Variants in ST6GAL2 observed in about 807,000 individuals in gnomAD.
ST6GAL2 encodes the protein beta-galactoside alpha-2,6-sialyltransferase 2.
In ST6GAL2, 24 loss-of-function variants were observed where a neutral mutation model predicts 37.5. That is an observed-to-expected ratio of 0.64 (90% CI 0.46 to 0.90). The LOEUF is 0.90. ST6GAL2 is among the 40% of genes least tolerant of loss of function. The pLI is 0.00. For missense variants in ST6GAL2, 715 were observed against 712.7 expected, an observed-to-expected ratio of 1.00 and a Z score of -0.04; for synonymous variants, 306 against 295.1, an observed-to-expected ratio of 1.04 and a Z score of -0.38.
chr2:106,855,559 G>A (rs1019422753), intron 1 of ST6GAL2, among the ~76,000 whole-genome samples: 2 of 151,970 alleles, frequency 1.3e-5, no homozygotes. Context: ...GTGAGAGAGG[G>A]GATGCCTGCT....
intron 1 of ST6GAL2, among the ~76,000 whole-genome samples, chr2:106,869,910 G>C (rs946036644): frequency 6.6e-6 from 1 of 152,192 alleles, no homozygotes; most frequent in African/African-American, 2.4e-5. Flanking sequence ...CCTGACCTTT[G>C]AGCCAGGGAG....
chr2:106,863,487 C>A (rs138941508), intron 1 of ST6GAL2, among the ~76,000 whole-genome samples: 11 of 152,120 alleles, frequency 7.2e-5, no homozygotes, highest in African/African-American at 2.2e-4. Flanking sequence ...TTTGGGGGAG[C>A]ACAGGTGACC....
chr2:106,837,080 A>C (rs769537289), intron 2 of ST6GAL2, among the ~76,000 whole-genome samples: 19 of 152,200 alleles, frequency 1.2e-4, no homozygotes, highest in Non-Finnish European at 4.4e-5. Context: ...AAATACTATC[A>C]GTTATTTTCC....
intron 4 of ST6GAL2, among the ~76,000 whole-genome samples, chr2:106,831,370 G>C (rs1558689265): frequency 1.3e-5 from 2 of 152,186 alleles, no homozygotes; most frequent in African/African-American, 4.8e-5. Context: ...GGGCTGAGCT[G>C]CTTCTAACAG....
chr2:106,807,899 C>T (rs555658663), intron 5 of ST6GAL2, among the ~76,000 whole-genome samples: 1 of 152,162 alleles, frequency 6.6e-6, no homozygotes, highest in South Asian at 2.1e-4. Context: ...GCTGGGATTA[C>T]AGGCATGAGC....
intron 5 of ST6GAL2, among the ~76,000 whole-genome samples, chr2:106,829,863 T>C (rs1377688532): frequency 1.3e-5 from 2 of 152,154 alleles, no homozygotes; most frequent in Non-Finnish European, 2.9e-5. Context: ...TTTTGGATTT[T>C]TGGATTAGAG....
intron 1 of ST6GAL2, among the ~76,000 whole-genome samples, chr2:106,862,490 T>C (rs1225378881): frequency 6.6e-6 from 1 of 152,242 alleles, no homozygotes; most frequent in Non-Finnish European, 1.5e-5. Context: ...CTAGAATTCA[T>C]TTCTGAACAG....
chr2:106,841,021 T>C (rs1025506869), intron 2 of ST6GAL2: 5 of 152,368 alleles, frequency 3.3e-5, no homozygotes, highest in African/African-American at 1.2e-4. Context: ...CAGGCTGCTC[T>C]GCTCTGGCTT....
intron 5 of ST6GAL2, among the ~76,000 whole-genome samples, chr2:106,814,641 G>A (rs2104425111): frequency 6.6e-6 from 1 of 152,332 alleles, no homozygotes; most frequent in Admixed American, 6.5e-5. Flanking sequence ...ACTCAGGCTG[G>A]GAGCCGGGGT....
chr2:106,862,524 G>A (rs1677844155), intron 1 of ST6GAL2, among the ~76,000 whole-genome samples: 1 of 151,382 alleles, frequency 6.6e-6, no homozygotes, highest in Non-Finnish European at 1.5e-5. Context: ...CTTTGATTTC[G>A]AAGAAAAAAA....
chr2:106,811,006 A>G (rs891104855), intron 5 of ST6GAL2, among the ~76,000 whole-genome samples: 3 of 152,144 alleles, frequency 2.0e-5, no homozygotes, highest in Non-Finnish European at 4.4e-5. Context: ...TGTAATGTGA[A>G]AGGCAGACAA....
intron 1 of ST6GAL2, among the ~76,000 whole-genome samples, chr2:106,862,988 CT>C (rs59565436): frequency 0.77 from 113,910 of 148,632 alleles, 43,667 homozygotes; most frequent in East Asian, 0.86. Flanking sequence ...ATGTAAATGT[CT>C]TTTTTTTTTT....
rs1221900699 is a variant in ST6GAL2, at chr2:106,805,715, G to A, written c.*963C>T. Reference sequence around the variant, plus strand: ...GCGTGCATCCCTAGAAGCACAGGGTGATGGCTCCAAAATCTTTCCTTCTAG... The same window carrying A: ...GCGTGCATCCCTAGAAGCACAGGGTAATGGCTCCAAAATCTTTCCTTCTAG... On this transcript the variant is annotated 3_prime_UTR_variant, in exon 6 of 6. Coordinates refer to ENST00000409382, the MANE Select transcript of ST6GAL2 (RefSeq NM_001142351.2). 2 of 152,234 alleles carry A rather than the reference G, an allele frequency of 1.3e-5. No individual in the cohort carries two copies. Among genetic ancestry groups the A allele is most frequent in the African/African-American group, 4.8e-5 (2 of 41,450 alleles). The allele number at this position is 152,234 out of a possible 1,614,324, so 9.4% of individuals were successfully genotyped here.
At position 106,843,182 on chromosome 2, in the gene ST6GAL2, C is replaced by T. The variant is rs763586738; in HGVS notation, c.796G>A (p.Gly266Ser). 14 of 1,549,956 alleles carry T rather than the reference C, an allele frequency of 9.0e-6. No individual in the cohort carries two copies. Among genetic ancestry groups the T allele is most frequent in the Non-Finnish European group, 1.2e-5 (14 of 1,148,692 alleles). The change falls in exon 2 of 6, where the codon GGC becomes AGC. Residue 266 changes from glycine to serine, a missense_variant. By Grantham distance (56) the Gly-to-Ser change is moderately conservative. Transcript: ENST00000409382. ...AGCGCAGAAAAGGGCGCCTCGGTGC[C>T]GTCCAGCGTCCGCACGCGCGCGCGG... Reference protein sequence around the residue: ...RSRARVRTLDGTEAPFSALGW... With the variant: ...RSRARVRTLDSTEAPFSALGW...
At chr2:106,828,850 G>A (rs1676302715) in intron 5 of ST6GAL2, among the ~76,000 whole-genome samples, 1 of 152,068 alleles carries the variant, frequency 6.6e-6, no homozygotes, top group African/African-American at 2.4e-5. Context: ...TAATATCAAA[G>A]AAACAATGGG....
chr2:106,868,258 G>A (rs1384530178), intron 1 of ST6GAL2, among the ~76,000 whole-genome samples: 1 of 152,114 alleles, frequency 6.6e-6, no homozygotes, highest in African/African-American at 2.4e-5. Flanking sequence ...TTCATGGTTT[G>A]TTAAAACAGA....
intron 1 of ST6GAL2, among the ~76,000 whole-genome samples, chr2:106,859,440 G>A (rs367776953): frequency 2.1e-4 from 32 of 152,210 alleles, no homozygotes; most frequent in African/African-American, 6.5e-4. Context: ...ATGTGATATC[G>A]CCACTTAAAT....
chr2:106,821,965 T>G lies in ST6GAL2; in HGVS notation c.1318+8101A>C, dbSNP rs151205268. 4.2e-3 allele frequency among the ~76,000 whole-genome samples: 633 copies of G among 152,220 alleles called. 1 individual carries two copies. The highest frequency in any genetic ancestry group is 0.015 in the African/African-American group (609 of 41,556). On this transcript the variant is annotated intron_variant, in intron 5 of 5. Transcript: ENST00000409382. Reference sequence around the variant, plus strand: ...TTTGAAAAAATTCAACATCATTTCATGATAAAAACCTTCAAAATAGTGGGA... The same window carrying G: ...TTTGAAAAAATTCAACATCATTTCAGGATAAAAACCTTCAAAATAGTGGGA...
rs1675375328 is a variant in ST6GAL2 at position 106,805,084 on chromosome 2, GACTA to G, written c.*1590_*1593del. 6.6e-6 allele frequency: 1 copy of G among 152,100 alleles called. No homozygotes were observed. The highest frequency in any genetic ancestry group is 6.5e-5 in the Admixed American group (1 of 15,270). The allele number at this position is 152,100 out of a possible 1,614,324, so 9.4% of individuals were successfully genotyped here. A position where few individuals can be genotyped will look rare whatever the true frequency, so the allele number is the denominator to read the frequency against. ...TTTCCAGCTCCATATCTGCTGAATA[GACTA>G]ACCAAACAGAAGCCTTCAGTCTCTG... On this transcript the variant is annotated 3_prime_UTR_variant, in exon 6 of 6. Coordinates refer to ENST00000409382, the MANE Select transcript of ST6GAL2 (RefSeq NM_001142351.2).
Sources: allele counts gnomAD v4.1 joint callset (sites outside exome capture counted in the v4.1 genomes callset), GRCh38; gene constraint gnomAD v4.1.1; transcripts MANE v1.5; gene names NCBI Gene and HGNC (gene_info 2026-07-23, HGNC 2026-07-21).